Variants in NAALAD2 observed in about 807,000 individuals in gnomAD.
NAALAD2 encodes the protein N-acetylated alpha-linked acidic dipeptidase 2.
In NAALAD2, 89 loss-of-function variants were observed where a neutral mutation model predicts 95.6. The ratio of observed to expected loss-of-function variants is 0.93; its 90% confidence interval spans 0.78 to 1.11. The LOEUF is 1.11. Ranked by LOEUF, NAALAD2 falls within the 50% of genes least tolerant of loss-of-function variation. The probability of loss-of-function intolerance (pLI) is 0.00; values close to 1 mark genes in which losing one functional copy is unlikely to be tolerated. For missense variants in NAALAD2, 894 were observed against 872.4 expected (o/e 1.02, Z -0.31); for synonymous variants, 264 against 294.4 (o/e 0.90, Z 1.06).
intron 17 of NAALAD2, 25 bp downstream of exon 17, chr11:90,181,726 TAAAAAAAA>T: frequency 3.1e-6 from 3 of 981,984 alleles, no homozygotes; most frequent in East Asian, 5.0e-5. Context: ...CCTTTTTTTT[TAAAAAAAA>T]AAAAAAAAGC....
chr11:90,165,417 A>G (rs1590997391), intron 11 of NAALAD2, among the ~76,000 whole-genome samples: 1 of 152,198 alleles, frequency 6.6e-6, no homozygotes, highest in African/African-American at 2.4e-5. Context: ...TCTGCTAGTT[A>G]TCATTTATAA....
chr11:90,138,178 T>G (rs865884660), intron 2 of NAALAD2, among the ~76,000 whole-genome samples: 3 of 152,242 alleles, frequency 2.0e-5, no homozygotes, highest in Middle Eastern at 3.4e-3. Context: ...AGAAAATGAT[T>G]TTAAGAAAAT....
At chr11:90,167,185 G>A (rs1272526687) in intron 11 of NAALAD2, among the ~76,000 whole-genome samples, 1 of 152,204 alleles carries the variant, frequency 6.6e-6, no homozygotes, top group Non-Finnish European at 1.5e-5. Flanking sequence ...GCTGGGAGCT[G>A]TGGAGGGAAG....
At position 90,134,773 on chromosome 11, in the gene NAALAD2, G is replaced by A. The variant is rs775781175; in HGVS notation, c.15G>A (p.Arg5=). 1.9e-6 allele frequency: 3 copies of A among 1,613,994 alleles called. No homozygotes were observed. The highest frequency in any genetic ancestry group is 2.5e-6 in the Non-Finnish European group (3 of 1,180,014). The change falls in exon 1 of 19, where the codon AGG becomes AGA. Residue 5 remains arginine, a synonymous_variant. Transcript: ENST00000534061. Reference sequence around the variant, plus strand: ...CTCAAGAAGCCATGGCGGAATCCAGGGGCCGTCTGTACCTTTGGATGTGCT... The same window carrying A: ...CTCAAGAAGCCATGGCGGAATCCAGAGGCCGTCTGTACCTTTGGATGTGCT... MAES[R]GRLYLWMCLA...
chr11:90,186,925 C>T (rs1431278576), intron 18 of NAALAD2, among the ~76,000 whole-genome samples: 1 of 139,702 alleles, frequency 7.2e-6, no homozygotes, highest in Non-Finnish European at 1.6e-5. Context: ...GCAACCTACT[C>T]ATCTGACAAA....
At position 90,176,100 on chromosome 11, in the gene NAALAD2, T is replaced by C. The variant is rs761035211; in HGVS notation, c.1593+38T>C. 3 of 1,494,616 alleles carry C rather than the reference T, an allele frequency of 2.0e-6. No homozygotes were observed. The African/African-American group carries it at 4.1e-5, about 21-fold the overall frequency. The allele number at this position is 1,494,616 out of a possible 1,614,324, so 92.6% of individuals were successfully genotyped here. A position where few individuals can be genotyped will look rare whatever the true frequency, so the allele number is the denominator to read the frequency against. On this transcript the variant is annotated intron_variant, in intron 15 of 18. Transcript: ENST00000534061. ...ATCATTTTGAATATATAACATTTCA[T>C]CTACAGTCCTTTGGCGAAGAATGTC...
At chr11:90,159,152 A>G in intron 7 of NAALAD2, 87 bp from the exon 8 acceptor site, 2 of 993,912 alleles carry the variant, frequency 2.0e-6, no homozygotes, top group South Asian at 2.7e-5. Context: ...TGTTATATAT[A>G]TGAATGAAAT....
At chr11:90,176,843 A>G (rs1952804815) in intron 15 of NAALAD2, among the ~76,000 whole-genome samples, 1 of 152,230 alleles carries the variant, frequency 6.6e-6, no homozygotes, top group African/African-American at 2.4e-5. Context: ...ACAAAGAAAT[A>G]AAAGCAACCC....
intron 17 of NAALAD2, among the ~76,000 whole-genome samples, chr11:90,182,474 A>G (rs508509): frequency 0.023 from 3,530 of 152,188 alleles, 138 homozygotes; most frequent in African/African-American, 0.08. Flanking sequence ...CATTATGTGC[A>G]GCTATCTCTT....
chr11:90,138,387 A>G (rs1240296904), intron 2 of NAALAD2, among the ~76,000 whole-genome samples: 1 of 152,052 alleles, frequency 6.6e-6, no homozygotes, highest in Non-Finnish European at 1.5e-5. Context: ...TAATTCTTAG[A>G]CATCATGTAT....
rs749958841 is a variant in NAALAD2, at chr11:90,177,860, A to G, written c.1601A>G (p.Asp534Gly). 7.5e-6 allele frequency: 12 copies of G among 1,607,060 alleles called. No homozygotes were observed. Among genetic ancestry groups the G allele is most frequent in the Non-Finnish European group, 9.3e-6 (11 of 1,178,108 alleles). ...TCTCCATTTTTTTTTCAGAAAACAG[A>G]TAAGTACAGCAGCTACCCAGTGTAC... is the stretch of plus-strand genomic sequence containing the variant. The part of the protein sequence containing the change: ...RARYTKNKKT[D>G]KYSSYPVYHT... The change falls in exon 16 of 19, where the codon GAT (aspartate) becomes GGT (glycine). Residue 534 changes from aspartate (D) to glycine (G), a missense_variant. Transcript: ENST00000534061.
intron 2 of NAALAD2, among the ~76,000 whole-genome samples, chr11:90,144,261 G>C (rs2134843198): frequency 6.6e-6 from 1 of 152,244 alleles, no homozygotes; most frequent in African/African-American, 2.4e-5. Flanking sequence ...AGGTGTAGTG[G>C]GTGGTGACTT....
chr11:90,154,755 A>G (rs1408647555), intron 6 of NAALAD2, among the ~76,000 whole-genome samples: 1 of 150,120 alleles, frequency 6.7e-6, no homozygotes, highest in Non-Finnish European at 1.5e-5. Flanking sequence ...CTGGGCCTGA[A>G]GTGTTTTATG....
At chr11:90,188,343 T>A (rs1857223297) in intron 18 of NAALAD2, among the ~76,000 whole-genome samples, 1 of 152,212 alleles carries the variant, frequency 6.6e-6, no homozygotes, top group South Asian at 2.1e-4. Context: ...TATAAAACAT[T>A]CTTCTTAAAA....
rs374367876 is a variant in NAALAD2, at chr11:90,187,634, C to T, written c.2034-3924C>T. Among the ~76,000 whole-genome samples, 34 of 152,116 alleles carry T rather than the reference C, an allele frequency of 2.2e-4. No homozygotes were observed. In the East Asian group the frequency reaches 5.4e-3, roughly 24 times the overall value. On this transcript the variant is annotated intron_variant, in intron 18 of 18. Transcript: ENST00000534061. ...GAATTTATTTCAAAATTATTTTTTC[C>T]TCATCCAGCAATGTATATCAGGTTA...
At position 90,134,688 on chromosome 11, in the gene NAALAD2, G is replaced by A; in HGVS notation, c.-71G>A. 5.4e-6 allele frequency: 8 copies of A among 1,485,626 alleles called. No individual in the cohort carries two copies. The highest frequency in any genetic ancestry group is 5.6e-6 in the Non-Finnish European group (6 of 1,066,574). 92.0% of individuals were successfully genotyped at this position (1,485,626 alleles called of 1,614,324 possible). ...AGAGCTCACAGCCTCCTGCCAGCGC[G>A]CTCTCTGTTTCTCTGCAGCCCCGAA... On this transcript the variant is annotated 5_prime_UTR_variant, in exon 1 of 19. Transcript: ENST00000534061.
At chr11:90,166,219 CGGT>C (rs1401280750) in intron 11 of NAALAD2, among the ~76,000 whole-genome samples, 1 of 151,944 alleles carries the variant, frequency 6.6e-6, no homozygotes, top group African/African-American at 2.4e-5. Flanking sequence ...CTAGAGAGAG[CGGT>C]GAAGGGCTCT....
chr11:90,173,250 T>C (rs1342121036), intron 13 of NAALAD2, among the ~76,000 whole-genome samples: 1 of 152,160 alleles, frequency 6.6e-6, no homozygotes, highest in African/African-American at 2.4e-5. Flanking sequence ...TGTAGAGTTT[T>C]TTAAAAAATC....
chr11:90,135,752 A>G, intron 2 of NAALAD2, 82 bp downstream of exon 2: 1 of 1,090,368 alleles, frequency 9.2e-7, no homozygotes. Context: ...GGTTATATGC[A>G]TGAGGACAGT....
Sources: allele counts gnomAD v4.1 joint callset (sites outside exome capture counted in the v4.1 genomes callset), GRCh38; gene constraint gnomAD v4.1.1; transcripts MANE v1.5; gene names NCBI Gene and HGNC (gene_info 2026-07-23, HGNC 2026-07-21).